PTPN14: variants seen among roughly 807,000 people sequenced by gnomAD.
The protein encoded by PTPN14 is tyrosine-protein phosphatase non-receptor type 14.
In PTPN14, 53 loss-of-function variants were observed where a neutral mutation model predicts 126.8. The observed-to-expected ratio is 0.42, with a 90% CI of 0.34 to 0.53. The LOEUF is 0.53. Ranked by LOEUF, PTPN14 falls within the 20% of genes least tolerant of loss-of-function variation. The pLI, the probability that PTPN14 is intolerant of heterozygous loss-of-function variation, is 0.08. For missense variants in PTPN14, 1,257 were observed against 1,552.9 expected (o/e 0.81, Z 3.20); for synonymous variants, 630 against 599.3 (o/e 1.05, Z -0.75).
At chr1:214,487,591 G>A (rs1443333040) in intron 1 of PTPN14, among the ~76,000 whole-genome samples, 3 of 143,210 alleles carry the variant, frequency 2.1e-5, no homozygotes, top group Admixed American at 6.9e-5. Context: ...CAGAGATCAC[G>A]CCACTGCACT....
chr1:214,389,467 G>GA (rs1431802783), intron 11 of PTPN14, among the ~76,000 whole-genome samples: 7 of 152,140 alleles, frequency 4.6e-5, no homozygotes, highest in African/African-American at 7.2e-5. Context: ...GAAGAGGGCA[G>GA]GTGAAAAACA....
At chr1:214,515,603 T>A (rs1248962159) in intron 1 of PTPN14, among the ~76,000 whole-genome samples, 2 of 152,230 alleles carry the variant, frequency 1.3e-5, no homozygotes, top group Non-Finnish European at 2.9e-5. Context: ...AGGGAATATC[T>A]TTTCATTTAT....
At chr1:214,440,257 T>C (rs565749067) in intron 3 of PTPN14, among the ~76,000 whole-genome samples, 3 of 152,350 alleles carry the variant, frequency 2.0e-5, no homozygotes, top group Middle Eastern at 3.4e-3. Context: ...TGTGATTTAT[T>C]GATATGTGGG....
intron 1 of PTPN14, among the ~76,000 whole-genome samples, chr1:214,524,387 C>T (rs1655338216): frequency 1.3e-5 from 2 of 151,984 alleles, no homozygotes; most frequent in Admixed American, 1.3e-4. Flanking sequence ...CGTGGTGGCT[C>T]ATGCCTGTAA....
At chr1:214,375,135 A>G (rs1658313289) in intron 15 of PTPN14, among the ~76,000 whole-genome samples, 1 of 152,194 alleles carries the variant, frequency 6.6e-6, no homozygotes, top group African/African-American at 2.4e-5. Context: ...TCTAATTATT[A>G]AAAACTATGG....
At chr1:214,427,509 T>G (rs1659695957) in intron 3 of PTPN14, among the ~76,000 whole-genome samples, 1 of 152,136 alleles carries the variant, frequency 6.6e-6, no homozygotes, top group Non-Finnish European at 1.5e-5. Flanking sequence ...ATACATATAT[T>G]CCATTATTTA....
At chr1:214,443,663 C>A (rs1660081883) in intron 3 of PTPN14, among the ~76,000 whole-genome samples, 1 of 151,998 alleles carries the variant, frequency 6.6e-6, no homozygotes, top group African/African-American at 2.4e-5. Context: ...CAGAGTCTAG[C>A]GCAAAGTGAA....
intron 1 of PTPN14, among the ~76,000 whole-genome samples, chr1:214,506,561 G>A (rs781431804): frequency 6.9e-6 from 1 of 145,656 alleles, no homozygotes; most frequent in Non-Finnish European, 1.5e-5. Flanking sequence ...TATTTCTAAT[G>A]TTTACAGAAT....
Position 214,386,949 on chromosome 1 carries a change from G to C in PTPN14, c.988-27C>G, listed in dbSNP as rs377445452. On this transcript the variant is annotated intron_variant, in intron 11 of 18. Transcript: ENST00000366956. Reference sequence around the variant, plus strand: ...TGAAACAGAGAACACAGAGGAGGTGGGGAGGCCTGGGCAGACACGGCTGGT... The same window carrying C: ...TGAAACAGAGAACACAGAGGAGGTGCGGAGGCCTGGGCAGACACGGCTGGT... The C allele has an allele frequency of 3.2e-6, 5 of 1,544,716 alleles. No individual in the cohort carries two copies. In the Admixed American group the frequency reaches 5.1e-5, roughly 16 times the overall value.
rs372350429 is a variant in PTPN14 at position 214,369,590 on chromosome 1, C to T, written c.3138G>A (p.Thr1046=). The T allele has an allele frequency of 2.7e-5, 44 of 1,614,156 alleles. No individual in the cohort carries two copies. In the Middle Eastern group the frequency reaches 4.9e-4, roughly 18 times the overall value. The change falls in exon 17 of 19, where the codon ACG becomes ACA. Residue 1046 remains threonine, a synonymous_variant. Coordinates refer to ENST00000366956, the MANE Select transcript of PTPN14 (RefSeq NM_005401.5). ...CCGTGGTTGCATAGCAAACAGAATC[C>T]GTTCGAAACTTCGTGGTGACCTTGA... ...GKFKVTTKFR[T]DSVCYATTGL... is the part of the protein sequence containing the mutation.
At chr1:214,458,805 T>C (rs1189898899) in intron 2 of PTPN14, among the ~76,000 whole-genome samples, 1 of 152,124 alleles carries the variant, frequency 6.6e-6, no homozygotes, top group African/African-American at 2.4e-5. Flanking sequence ...CTAGTTATTT[T>C]CAAACTGAGA....
chr1:214,414,730 T>C lies in PTPN14; in HGVS notation c.345-4A>G. 1 of 1,606,104 alleles carries C rather than the reference T, an allele frequency of 6.2e-7. No homozygotes were observed. On this transcript the variant is annotated splice_polypyrimidine_tract_variant and splice_region_variant and intron_variant, in intron 3 of 18. Transcript: ENST00000366956. ...GACTTGCAGGTAATACTGATATCTG[T>C]TCATGGGAATAGAGGAACAAACAAC...
chr1:214,547,292 T>C (rs552108029), intron 1 of PTPN14, among the ~76,000 whole-genome samples: 1 of 152,270 alleles, frequency 6.6e-6, no homozygotes, highest in East Asian at 1.9e-4. Context: ...CCCAAAGGGG[T>C]AGGATACCTT....
At chr1:214,358,733 T>G (rs1480882374) in intron 18 of PTPN14, among the ~76,000 whole-genome samples, 1 of 134,896 alleles carries the variant, frequency 7.4e-6, no homozygotes, top group South Asian at 2.5e-4. Flanking sequence ...TTAATAAATA[T>G]TACTCATTAT....
chr1:214,407,206 C>T (rs2102573885), intron 5 of PTPN14, among the ~76,000 whole-genome samples: 1 of 152,234 alleles, frequency 6.6e-6, no homozygotes, highest in South Asian at 2.1e-4. Flanking sequence ...GCAGATAATA[C>T]CACTGTTTAC....
rs755702785 is a variant in PTPN14, at chr1:214,451,788, G to A, written c.344+17C>T. 2.5e-6 allele frequency: 4 copies of A among 1,612,556 alleles called. No homozygotes were observed. In the Admixed American group the frequency reaches 5.0e-5, roughly 20 times the overall value. Reference sequence around the variant, plus strand: ...GTCAACACCCTTATATGGCACACAGGGGGAAAATGCACCTACCTTGTGGCC... The same window carrying A: ...GTCAACACCCTTATATGGCACACAGAGGGAAAATGCACCTACCTTGTGGCC... On this transcript the variant is annotated intron_variant, in intron 3 of 18. Transcript: ENST00000366956.
chr1:214,406,169 C>T (rs906037767), intron 5 of PTPN14, among the ~76,000 whole-genome samples: 1 of 152,164 alleles, frequency 6.6e-6, no homozygotes, highest in Non-Finnish European at 1.5e-5. Context: ...TAGACACATG[C>T]GGCTATGGTG....
chr1:214,348,772 G>C lies in PTPN14; in HGVS notation c.*9150C>G, dbSNP rs1657648592. The C allele has an allele frequency of 6.6e-6, 1 of 152,108 alleles. No individual in the cohort carries two copies. The highest frequency in any genetic ancestry group is 1.5e-5 in the Non-Finnish European group (1 of 68,012). 9.4% of individuals were successfully genotyped at this position (152,108 alleles called of 1,614,324 possible). Reference sequence around the variant, plus strand: ...TTTTACAAAAAAAGGTTAGAATAAAGATCTCACATTTGTAAAGGCACATAT... The same window carrying C: ...TTTTACAAAAAAAGGTTAGAATAAACATCTCACATTTGTAAAGGCACATAT... On this transcript the variant is annotated 3_prime_UTR_variant, in exon 19 of 19. Coordinates refer to ENST00000366956, the MANE Select transcript of PTPN14 (RefSeq NM_005401.5).
intron 1 of PTPN14, among the ~76,000 whole-genome samples, chr1:214,469,828 G>GGT (rs386369603): frequency 2.0e-4 from 1 of 4,974 alleles, no homozygotes; most frequent in Non-Finnish European, 3.8e-4. Flanking sequence ...GGGGAAAGGC[G>GGT]GGGGTATGTG....
Sources: gnomAD v4.1 joint callset for allele counts (sites outside exome capture counted in the v4.1 genomes callset) on GRCh38, gnomAD v4.1.1 for gene constraint, MANE v1.5 for transcripts, NCBI Gene and HGNC (gene_info 2026-07-23, HGNC 2026-07-21) for gene names.